Variants in TMEM132D observed in about 807,000 individuals in gnomAD.
TMEM132D encodes mature OL transmembrane protein.
TMEM132D carries 21 observed loss-of-function variants against 62.3 expected under a neutral mutation model. That is an observed-to-expected ratio of 0.34 (90% CI 0.24 to 0.49). The LOEUF is 0.49. Ranked by LOEUF, TMEM132D falls within the 20% of genes least tolerant of loss-of-function variation. The probability of loss-of-function intolerance (pLI) is 0.99; values close to 1 mark genes in which losing one functional copy is unlikely to be tolerated. For synonymous variants in TMEM132D, 621 were observed against 575.6 expected, an observed-to-expected ratio of 1.08 and a Z score of -1.13; for missense variants, 1,346 against 1,402.8, an observed-to-expected ratio of 0.96 and a Z score of 0.65.
chr12:129,524,091 G>A (rs1225919772), intron 3 of TMEM132D, among the ~76,000 whole-genome samples: 1 of 152,006 alleles, frequency 6.6e-6, no homozygotes, highest in African/African-American at 2.4e-5. Context: ...TGGGGTGGGG[G>A]GAGTGGGGAG....
intron 5 of TMEM132D, among the ~76,000 whole-genome samples, chr12:129,167,594 C>T (rs1201299142): frequency 1.3e-5 from 2 of 152,000 alleles, no homozygotes; most frequent in African/African-American, 4.8e-5. Context: ...ATCAGGGGAC[C>T]TTTGTCTTCT....
chr12:129,498,571 C>G (rs1164534802), intron 3 of TMEM132D, among the ~76,000 whole-genome samples: 1 of 152,150 alleles, frequency 6.6e-6, no homozygotes, highest in African/African-American at 2.4e-5. Context: ...AGAAACAATG[C>G]TAACTGTAAT....
intron 2 of TMEM132D, among the ~76,000 whole-genome samples, chr12:129,541,620 C>A (rs56168413): frequency 2.0e-5 from 3 of 152,052 alleles, no homozygotes; most frequent in African/African-American, 7.3e-5. Context: ...AACCAATAAA[C>A]GACAACACAT....
intron 1 of TMEM132D, among the ~76,000 whole-genome samples, chr12:129,702,785 T>C (rs975413539): frequency 2.6e-5 from 4 of 152,252 alleles, no homozygotes; most frequent in African/African-American, 9.6e-5. Context: ...TGTCAGGTAC[T>C]CAATAAATAT....
At chr12:129,720,914 T>C (rs1246504088) in intron 1 of TMEM132D, among the ~76,000 whole-genome samples, 3 of 151,848 alleles carry the variant, frequency 2.0e-5, no homozygotes, top group Admixed American at 1.3e-4. Context: ...CTGAAGGAGG[T>C]AGAAAGGTAT....
intron 1 of TMEM132D, among the ~76,000 whole-genome samples, chr12:129,840,789 T>C (rs1422738996): frequency 6.6e-6 from 1 of 152,078 alleles, no homozygotes; most frequent in African/African-American, 2.4e-5. Flanking sequence ...TCCTCAAACA[T>C]CAAACAAGGA....
chr12:129,893,958 G>A (rs1013485005), intron 1 of TMEM132D, among the ~76,000 whole-genome samples: 1 of 152,186 alleles, frequency 6.6e-6, no homozygotes, highest in Non-Finnish European at 1.5e-5. Context: ...TTATCCCGAG[G>A]CTTGTCCACA....
intron 5 of TMEM132D, among the ~76,000 whole-genome samples, chr12:129,090,538 T>G (rs754048564): frequency 3.5e-4 from 53 of 152,066 alleles, no homozygotes; most frequent in African/African-American, 1.2e-3. Context: ...CATGGTGGCA[T>G]GCACCTGTAG....
intron 4 of TMEM132D, among the ~76,000 whole-genome samples, chr12:129,336,848 C>T (rs944452744): frequency 3.3e-5 from 5 of 152,186 alleles, no homozygotes; most frequent in African/African-American, 1.2e-4. Context: ...GCTCAGTCTC[C>T]TCAGACCAGA....
chr12:129,337,416 T>C (rs79132517), intron 4 of TMEM132D, among the ~76,000 whole-genome samples: 1,881 of 144,186 alleles, frequency 0.013, 24 homozygotes, highest in Middle Eastern at 0.043. Flanking sequence ...TATATTTGTA[T>C]AGATATAGAT....
intron 3 of TMEM132D, among the ~76,000 whole-genome samples, chr12:129,403,275 G>C (rs1871673822): frequency 6.8e-6 from 1 of 146,354 alleles, no homozygotes; most frequent in African/African-American, 2.6e-5. Flanking sequence ...CATTCATCTA[G>C]AATGCCGGAA....
intron 4 of TMEM132D, among the ~76,000 whole-genome samples, chr12:129,274,577 TA>T (rs1880952083): frequency 6.6e-6 from 1 of 152,178 alleles, no homozygotes; most frequent in Non-Finnish European, 1.5e-5. Context: ...GGAATTGTTT[TA>T]CAATATATTT....
rs778801506 is a variant in TMEM132D at position 129,700,315 on chromosome 12, C to G, written c.463G>C (p.Asp155His). The G allele has an allele frequency of 6.2e-7, 1 of 1,613,910 alleles. No homozygotes were observed. Residue 155 changes from aspartate to histidine, a missense_variant, in exon 2 of 9, where the codon GAC becomes CAC. Transcript: ENST00000422113. ...TCCCCGGCGCTGCGGTCGTCCCAGT[C>G]TCTGCCCATGATGTGGAACAGAACC... ...VQVLFHIMGR[D>H]WDDRSAGEKL...
At chr12:129,689,440 CCTCT>C (rs67355854) in intron 2 of TMEM132D, among the ~76,000 whole-genome samples, 33,419 of 151,908 alleles carry the variant, frequency 0.22, 3,939 homozygotes, top group Middle Eastern at 0.28. Context: ...GGCTTCCCTG[CCTCT>C]CTAAGTGAAC....
Position 129,611,167 on chromosome 12 carries a change from C to T in TMEM132D, c.969-79962G>A, listed in dbSNP as rs116498524. ...CATTTACCATGTGTCAGACCCTATCCGAAGCTCTCTCCACATAGTTTAATA... is the reference window on the plus strand; with the variant it reads ...CATTTACCATGTGTCAGACCCTATCTGAAGCTCTCTCCACATAGTTTAATA... On this transcript the variant is annotated intron_variant, in intron 2 of 8. Transcript: ENST00000422113. Among the ~76,000 whole-genome samples the T allele has an allele frequency of 3.2e-3, 482 of 152,184 alleles. 2 individuals are homozygous for T. Among genetic ancestry groups the T allele is most frequent in the African/African-American group, 0.011 (461 of 41,510 alleles).
chr12:129,705,448 T>C (rs1881480544), intron 1 of TMEM132D, among the ~76,000 whole-genome samples: 1 of 152,192 alleles, frequency 6.6e-6, no homozygotes, highest in African/African-American at 2.4e-5. Flanking sequence ...ATTGTCTTCA[T>C]TTGCATCCAC....
At chr12:129,822,738 A>G (rs1013637493) in intron 1 of TMEM132D, among the ~76,000 whole-genome samples, 1 of 152,140 alleles carries the variant, frequency 6.6e-6, no homozygotes, top group African/African-American at 2.4e-5. Flanking sequence ...GCGAAGGGGG[A>G]AGTCCCTTAT....
intron 1 of TMEM132D, among the ~76,000 whole-genome samples, chr12:129,793,551 T>A (rs1486252313): frequency 6.6e-6 from 1 of 152,146 alleles, no homozygotes; most frequent in Non-Finnish European, 1.5e-5. Flanking sequence ...ATTTTTGTAT[T>A]TTTGTAGAGA....
intron 4 of TMEM132D, among the ~76,000 whole-genome samples, chr12:129,247,749 T>C (rs1358401957): frequency 6.6e-6 from 1 of 152,168 alleles, no homozygotes; most frequent in African/African-American, 2.4e-5. Flanking sequence ...CCATCTGAAG[T>C]CCAGGTGAGG....
Sources: allele counts gnomAD v4.1 joint callset (sites outside exome capture counted in the v4.1 genomes callset), GRCh38; gene constraint gnomAD v4.1.1; transcripts MANE v1.5; gene names NCBI Gene and HGNC (gene_info 2026-07-23, HGNC 2026-07-21).